The following GPC6 variants were observed in gnomAD, a reference collection of about 807,000 sequenced individuals.
GPC6 encodes the protein glypican-6.
Under a neutral mutation model 55.2 loss-of-function variants are expected in GPC6, and 14 were observed. That is an observed-to-expected ratio of 0.25 (90% CI 0.17 to 0.40). The LOEUF is 0.40. GPC6 is among the 10% of genes least tolerant of loss of function. The pLI, the probability that GPC6 is intolerant of heterozygous loss-of-function variation, is 1.00. For missense variants in GPC6, 641 were observed against 708.5 expected, an observed-to-expected ratio of 0.90 and a Z score of 1.08; for synonymous variants, 278 against 259.6, an observed-to-expected ratio of 1.07 and a Z score of -0.68.
chr13:93,812,867 A>G (rs1466284464), intron 2 of GPC6, among the ~76,000 whole-genome samples: 1 of 152,192 alleles, frequency 6.6e-6, no homozygotes, highest in Non-Finnish European at 1.5e-5. Context: ...CATTTTAGAG[A>G]TGAGAAAACT....
chr13:94,401,947 TAGA>T (rs747141583), intron 8 of GPC6, among the ~76,000 whole-genome samples: 2,588 of 146,870 alleles, frequency 0.018, 72 homozygotes, highest in African/African-American at 0.06. Flanking sequence ...GATTGATTGA[TAGA>T]TAGATAGATA....
At chr13:94,339,785 CAG>C (rs1377287410) in intron 6 of GPC6, among the ~76,000 whole-genome samples, 1 of 54,178 alleles carries the variant, frequency 1.8e-5, no homozygotes, top group African/African-American at 8.6e-5. Flanking sequence ...TTTTTTGAGA[CAG>C]AGTTTTGCTC....
chr13:93,953,329 T>C (rs566581697), intron 3 of GPC6, among the ~76,000 whole-genome samples: 1 of 152,282 alleles, frequency 6.6e-6, no homozygotes, highest in Admixed American at 6.5e-5. Flanking sequence ...GTCATCTTTA[T>C]CATCCTGAAT....
intron 2 of GPC6, among the ~76,000 whole-genome samples, chr13:93,808,453 T>G (rs1886601607): frequency 6.6e-6 from 1 of 152,206 alleles, no homozygotes; most frequent in Non-Finnish European, 1.5e-5. Flanking sequence ...TCTCTCTATA[T>G]GAGATGCTTT....
chr13:93,418,109 A>G (rs1414004348), intron 1 of GPC6, among the ~76,000 whole-genome samples: 2 of 152,042 alleles, frequency 1.3e-5, no homozygotes, highest in Non-Finnish European at 2.9e-5. Context: ...TTTAATTTTT[A>G]ATTTTAGTAT....
At chr13:93,374,195 T>C (rs1874790287) in intron 1 of GPC6, among the ~76,000 whole-genome samples, 1 of 152,216 alleles carries the variant, frequency 6.6e-6, no homozygotes, top group African/African-American at 2.4e-5. Context: ...CGGGGACTTC[T>C]GAGGTAAGTA....
intron 4 of GPC6, among the ~76,000 whole-genome samples, chr13:94,192,540 G>A (rs990359848): frequency 5.9e-5 from 9 of 152,152 alleles, no homozygotes; most frequent in Non-Finnish European, 1.3e-4. Context: ...ATTAGTCAAC[G>A]TGCCAGTAAA....
In GPC6 at chr13:94,199,774, A is replaced by G. The variant is rs1359259541; in HGVS notation, c.878-86575A>G. Among the ~76,000 whole-genome samples the G allele has an allele frequency of 2.6e-5, 4 of 152,194 alleles. No homozygotes were observed. The East Asian group carries it at 5.8e-4, about 22-fold the overall frequency. ...GGTTGATAGAATGCACCTGTGCTCAATTAATGTTCCCTTCCTCTCCCCTTT... is the reference window on the plus strand; with the variant it reads ...GGTTGATAGAATGCACCTGTGCTCAGTTAATGTTCCCTTCCTCTCCCCTTT... On this transcript the variant is annotated intron_variant, in intron 4 of 8. Transcript: ENST00000377047.
intron 3 of GPC6, among the ~76,000 whole-genome samples, chr13:93,986,702 G>C (rs1318940126): frequency 6.6e-6 from 1 of 152,052 alleles, no homozygotes; most frequent in Non-Finnish European, 1.5e-5. Flanking sequence ...AGAATAAAAT[G>C]ATCACTATTC....
chr13:94,341,509 G>A (rs1253852047), intron 6 of GPC6, among the ~76,000 whole-genome samples: 2 of 151,566 alleles, frequency 1.3e-5, no homozygotes, highest in South Asian at 2.1e-4. Flanking sequence ...TTGCTTAACC[G>A]GGGAGGTGGA....
intron 3 of GPC6, among the ~76,000 whole-genome samples, chr13:93,930,139 C>CT (rs1201333505): frequency 6.6e-6 from 1 of 152,188 alleles, no homozygotes; most frequent in Middle Eastern, 3.4e-3. Flanking sequence ...TTCCTAGGGA[C>CT]TGGAGCATTG....
At chr13:93,968,087 C>G (rs1400937537) in intron 3 of GPC6, among the ~76,000 whole-genome samples, 3 of 152,036 alleles carry the variant, frequency 2.0e-5, no homozygotes, top group African/African-American at 7.2e-5. Flanking sequence ...TCCTTTAATT[C>G]CCTTGAACTC....
chr13:94,057,729 CA>C (rs1884179788), intron 4 of GPC6, among the ~76,000 whole-genome samples: 1 of 152,046 alleles, frequency 6.6e-6, no homozygotes, highest in African/African-American at 2.4e-5. Context: ...TTGTGACCTT[CA>C]AAAGAAACAG....
At chr13:94,296,906 T>C (rs1433357640) in intron 5 of GPC6, among the ~76,000 whole-genome samples, 1 of 152,208 alleles carries the variant, frequency 6.6e-6, no homozygotes, top group Non-Finnish European at 1.5e-5. Flanking sequence ...TTATTAACTT[T>C]GTTATTAATA....
At chr13:94,160,512 A>G (rs978774702) in intron 4 of GPC6, among the ~76,000 whole-genome samples, 2 of 152,260 alleles carry the variant, frequency 1.3e-5, no homozygotes, top group African/African-American at 4.8e-5. Flanking sequence ...TGAAGATGGC[A>G]ACCACAGGAT....
At chr13:93,471,807 TG>T (rs1879130618) in intron 1 of GPC6, among the ~76,000 whole-genome samples, 1 of 152,210 alleles carries the variant, frequency 6.6e-6, no homozygotes, top group Non-Finnish European at 1.5e-5. Context: ...TGGTCTATCC[TG>T]GGGAATATTC....
intron 4 of GPC6, among the ~76,000 whole-genome samples, chr13:94,283,211 G>A (rs1226585939): frequency 1.3e-5 from 2 of 152,144 alleles, no homozygotes; most frequent in Non-Finnish European, 2.9e-5. Context: ...ACTTATAAAA[G>A]CTAAGCTTTG....
At position 93,539,365 on chromosome 13, in the gene GPC6, C is replaced by T. The variant is rs544141121; in HGVS notation, c.161-5898C>T. On this transcript the variant is annotated intron_variant, in intron 1 of 8. Coordinates refer to ENST00000377047, the MANE Select transcript of GPC6 (RefSeq NM_005708.5). ...TCGAAATCATCACGTGAAAGATGAT[C>T]GGGAATACCCTTGTAGTTGAACAGG... 1.1e-4 allele frequency among the ~76,000 whole-genome samples: 16 copies of T among 152,166 alleles called. No homozygotes were observed. In the South Asian group the frequency reaches 1.5e-3, roughly 14 times the overall value.
intron 4 of GPC6, among the ~76,000 whole-genome samples, chr13:94,030,819 T>C (rs1883095237): frequency 6.6e-6 from 1 of 152,160 alleles, no homozygotes; most frequent in African/African-American, 2.4e-5. Context: ...CGACCGTCAA[T>C]AAAAACAAGA....
Sources: gnomAD v4.1 joint callset for allele counts (sites outside exome capture counted in the v4.1 genomes callset) on GRCh38, gnomAD v4.1.1 for gene constraint, MANE v1.5 for transcripts, NCBI Gene and HGNC (gene_info 2026-07-23, HGNC 2026-07-21) for gene names.